PDE10A: variants seen among roughly 807,000 people sequenced by gnomAD.
PDE10A encodes cAMP and cAMP-inhibited cGMP 3',5'-cyclic phosphodiesterase 10A.
A neutral mutation model predicts 97.7 loss-of-function variants in PDE10A; 39 were observed. That is an observed-to-expected ratio of 0.40 (90% CI 0.31 to 0.52). PDE10A has a LOEUF of 0.52. Ranked by LOEUF, PDE10A falls within the 20% of genes least tolerant of loss-of-function variation. PDE10A has a pLI of 0.56. For missense variants in PDE10A, 731 were observed against 1,047.8 expected, an observed-to-expected ratio of 0.70 and a Z score of 4.17; for synonymous variants, 371 against 376.8, an observed-to-expected ratio of 0.98 and a Z score of 0.18.
chr6:165,975,569 G>T (rs1487621966), intron 1 of PDE10A, among the ~76,000 whole-genome samples: 2 of 152,224 alleles, frequency 1.3e-5, no homozygotes. Flanking sequence ...AAAGCACAAA[G>T]AAGTTTCCAA....
upstream of PDE10A, among the ~76,000 whole-genome samples, chr6:165,663,655 G>T (rs922369527): frequency 6.6e-6 from 1 of 152,196 alleles, no homozygotes; most frequent in African/African-American, 2.4e-5. Flanking sequence ...ATAAACTAGG[G>T]TTTGAAATAC....
intron 16 of PDE10A, among the ~76,000 whole-genome samples, chr6:165,390,877 C>G (rs1424644744): frequency 6.6e-6 from 1 of 152,182 alleles, no homozygotes; most frequent in Non-Finnish European, 1.5e-5. Flanking sequence ...TGTTAACAAT[C>G]ATACTCGCCT....
At chr6:165,617,282 A>G (rs3008018) in intron 1 of PDE10A, among the ~76,000 whole-genome samples, 38,222 of 152,060 alleles carry the variant, frequency 0.25, 4,874 homozygotes, top group African/African-American at 0.3. Flanking sequence ...TAAAAATCAG[A>G]AAGAGGGACC....
chr6:165,403,472 T>C (rs1234827862), intron 13 of PDE10A, among the ~76,000 whole-genome samples: 1 of 152,150 alleles, frequency 6.6e-6, no homozygotes, highest in African/African-American at 2.4e-5. Flanking sequence ...TGTTAAACAT[T>C]TACTGCACAC....
intron 1 of PDE10A, among the ~76,000 whole-genome samples, chr6:165,652,355 ATT>A (rs879632907): frequency 7.2e-5 from 10 of 139,274 alleles, no homozygotes; most frequent in Admixed American, 7.2e-5. Context: ...CTCCCGGGCT[ATT>A]TTTTTTTTTT....
chr6:165,630,209 G>A (rs563347162), intron 1 of PDE10A, among the ~76,000 whole-genome samples: 27 of 152,178 alleles, frequency 1.8e-4, no homozygotes, highest in Non-Finnish European at 2.9e-4. Flanking sequence ...TTAGCCAGGC[G>A]TGGTAGCATG....
At chr6:165,923,571 G>T (rs1308011538) in intron 1 of PDE10A, among the ~76,000 whole-genome samples, 1 of 152,218 alleles carries the variant, frequency 6.6e-6, no homozygotes, top group African/African-American at 2.4e-5. Context: ...GCTGTGGTTG[G>T]GAGGTGACGG....
At chr6:165,964,073 T>C (rs1784436814) in intron 1 of PDE10A, among the ~76,000 whole-genome samples, 1 of 152,272 alleles carries the variant, frequency 6.6e-6, no homozygotes, top group South Asian at 2.1e-4. Context: ...CTCAGCTCTC[T>C]CATTATTTTC....
At chr6:165,687,269 G>A (rs1052803121) in intron 1 of PDE10A, among the ~76,000 whole-genome samples, 4 of 152,372 alleles carry the variant, frequency 2.6e-5, no homozygotes, top group Non-Finnish European at 4.4e-5. Flanking sequence ...ATCCACGTGA[G>A]AAAGTTTCAT....
chr6:165,632,518 T>C (rs1171505192), intron 1 of PDE10A, among the ~76,000 whole-genome samples: 1 of 152,188 alleles, frequency 6.6e-6, no homozygotes, highest in African/African-American at 2.4e-5. Flanking sequence ...GTTTTGAGCA[T>C]GAGATGCCTG....
At chr6:165,457,149 TA>T (rs2128254373) in intron 3 of PDE10A, among the ~76,000 whole-genome samples, 1 of 152,202 alleles carries the variant, frequency 6.6e-6, no homozygotes, top group Admixed American at 6.5e-5. Context: ...TTTAACTGAA[TA>T]AACATGAATT....
chr6:165,619,680 T>C lies in PDE10A; in HGVS notation c.865+42267A>G, dbSNP rs796336175. On this transcript the variant is annotated intron_variant, in intron 1 of 21. Transcript: ENST00000539869. ...TAGTATAGTCTAGTGTAGTGTAGTC[T>C]AGTGTAGTGTAGTGTAGTCCAGTGT... Among the ~76,000 whole-genome samples, 479 of 124,332 alleles carry C rather than the reference T, an allele frequency of 3.9e-3. 6 individuals carry two copies. Among genetic ancestry groups the C allele is most frequent in the African/African-American group, 0.017 (452 of 26,814 alleles). 81.6% of individuals were successfully genotyped at this position (124,332 alleles called of 152,430 possible).
chr6:165,407,780 C>T (rs1290379891), intron 13 of PDE10A, among the ~76,000 whole-genome samples: 2 of 152,168 alleles, frequency 1.3e-5, no homozygotes, highest in Non-Finnish European at 2.9e-5. Context: ...GTCCTATTAG[C>T]TTTTCTAAGG....
chr6:165,497,769 T>C (rs1040900360), intron 2 of PDE10A, among the ~76,000 whole-genome samples: 1 of 152,186 alleles, frequency 6.6e-6, no homozygotes, highest in African/African-American at 2.4e-5. Context: ...GGCCAAGACA[T>C]GGAATTTTTT....
chr6:165,512,883 AGAG>A (rs1781579312), intron 2 of PDE10A, among the ~76,000 whole-genome samples: 1 of 152,036 alleles, frequency 6.6e-6, no homozygotes, highest in African/African-American at 2.4e-5. Context: ...TAATGAGTAC[AGAG>A]TAGTATCTCA....
At chr6:165,772,879 T>A (rs1778053590) in intron 1 of PDE10A, among the ~76,000 whole-genome samples, 2 of 152,234 alleles carry the variant, frequency 1.3e-5, no homozygotes, top group African/African-American at 2.4e-5. Context: ...CCCTGCAAAA[T>A]GCAGAGACTC....
intron 1 of PDE10A, among the ~76,000 whole-genome samples, chr6:165,702,924 A>G (rs1167652115): frequency 1.3e-5 from 2 of 152,228 alleles, no homozygotes; most frequent in Non-Finnish European, 2.9e-5. Flanking sequence ...ACACTGCCCC[A>G]GAGCAGATGG....
chr6:165,790,364 A>C (rs890649067), intron 1 of PDE10A, among the ~76,000 whole-genome samples: 2 of 152,216 alleles, frequency 1.3e-5, no homozygotes, highest in African/African-American at 4.8e-5. Context: ...TACTACATGG[A>C]ATATGCCCTG....
intron 3 of PDE10A, among the ~76,000 whole-genome samples, chr6:165,454,801 A>C (rs6914589): frequency 6.6e-6 from 1 of 152,028 alleles, no homozygotes; most frequent in Non-Finnish European, 1.5e-5. Flanking sequence ...AACGGCGCAG[A>C]CTATTGACAT....
Sources: allele counts gnomAD v4.1 joint callset (sites outside exome capture counted in the v4.1 genomes callset), GRCh38; gene constraint gnomAD v4.1.1; transcripts MANE v1.5; gene names NCBI Gene and HGNC (gene_info 2026-07-23, HGNC 2026-07-21).